The following DPYSL3 variants were observed in gnomAD, a reference collection of about 807,000 sequenced individuals.
DPYSL3 encodes the protein dihydropyrimidinase-related protein 3.
Under a neutral mutation model 66.1 loss-of-function variants are expected in DPYSL3, and 16 were observed. The ratio of observed to expected loss-of-function variants is 0.24; its 90% CI spans 0.16 to 0.37. The LOEUF is 0.37. Ranked by LOEUF, DPYSL3 falls within the 10% of genes least tolerant of loss-of-function variation. The probability of loss-of-function intolerance (pLI) is 1.00; values close to 1 mark genes in which losing one functional copy is unlikely to be tolerated. For synonymous variants in DPYSL3, 338 were observed against 345.1 expected, an observed-to-expected ratio of 0.98 and a Z score of 0.23; for missense variants, 738 against 916.2, an observed-to-expected ratio of 0.81 and a Z score of 2.51.
intron 1 of DPYSL3, among the ~76,000 whole-genome samples, chr5:147,433,848 A>G (rs1345193861): frequency 6.6e-6 from 1 of 152,112 alleles, no homozygotes; most frequent in East Asian, 1.9e-4. Flanking sequence ...CCTGGCCAAC[A>G]TGGTGAAACC....
In DPYSL3 at chr5:147,443,879, C is replaced by A. The variant is rs528249836; in HGVS notation, c.382-18916G>T. Among the ~76,000 whole-genome samples the A allele has an allele frequency of 2.0e-5, 3 of 152,194 alleles. No individual in the cohort carries two copies. The South Asian group carries it at 6.2e-4, about 32-fold the overall frequency. On this transcript the variant is annotated intron_variant, in intron 1 of 13. Transcript: ENST00000343218. Reference sequence around the variant, plus strand: ...GTGTAAGTATAACAGTGTGGAGCAGCTTTGGACATGCCAGAAACAAAGCCG... The same window carrying A: ...GTGTAAGTATAACAGTGTGGAGCAGATTTGGACATGCCAGAAACAAAGCCG...
At chr5:147,488,682 C>G (rs896765739) in intron 1 of DPYSL3, among the ~76,000 whole-genome samples, 10 of 152,082 alleles carry the variant, frequency 6.6e-5, no homozygotes, top group African/African-American at 2.2e-4. Flanking sequence ...TGCCACTGTA[C>G]TGCAGCCTGG....
chr5:147,410,479 G>T (rs949738009), intron 6 of DPYSL3, among the ~76,000 whole-genome samples: 1 of 152,158 alleles, frequency 6.6e-6, no homozygotes, highest in Non-Finnish European at 1.5e-5. Context: ...CTTACATGGG[G>T]ATAGCAGTGG....
intron 11 of DPYSL3, 117 bp from the exon 12 acceptor site, chr5:147,397,962 G>A: frequency 9.3e-7 from 1 of 1,074,770 alleles, no homozygotes; most frequent in Non-Finnish European, 1.3e-6. Context: ...GCCAGGAAAA[G>A]CTCACCATGC....
At chr5:147,467,680 A>C (rs1175209433) in intron 1 of DPYSL3, among the ~76,000 whole-genome samples, 1 of 152,244 alleles carries the variant, frequency 6.6e-6, no homozygotes, top group Non-Finnish European at 1.5e-5. Context: ...TATTGCTGGC[A>C]AAAGAGATGA....
intron 1 of DPYSL3, among the ~76,000 whole-genome samples, chr5:147,498,114 T>G (rs1199354776): frequency 6.6e-6 from 1 of 152,046 alleles, no homozygotes; most frequent in Non-Finnish European, 1.5e-5. Flanking sequence ...TAGGCCCCAG[T>G]GTGTGTTGTT....
intron 1 of DPYSL3, among the ~76,000 whole-genome samples, chr5:147,479,673 T>C (rs938873903): frequency 1.3e-5 from 2 of 152,104 alleles, no homozygotes; most frequent in African/African-American, 4.8e-5. Context: ...CCATCTTGAC[T>C]CACAAGGGCC....
intron 1 of DPYSL3, among the ~76,000 whole-genome samples, chr5:147,426,403 G>A (rs1279510052): frequency 6.6e-6 from 1 of 152,122 alleles, no homozygotes; most frequent in Admixed American, 6.6e-5. Context: ...GGCTACTCAT[G>A]CTGGGTTTGG....
At chr5:147,431,530 C>G (rs2126347745) in intron 1 of DPYSL3, among the ~76,000 whole-genome samples, 1 of 152,164 alleles carries the variant, frequency 6.6e-6, no homozygotes, top group South Asian at 2.1e-4. Flanking sequence ...TATAAATGCT[C>G]AATATGTGTG....
chr5:147,475,806 T>C (rs1753147453), intron 1 of DPYSL3, among the ~76,000 whole-genome samples: 1 of 152,102 alleles, frequency 6.6e-6, no homozygotes, highest in Non-Finnish European at 1.5e-5. Context: ...GTAAAGGTTT[T>C]TGAGCAGACA....
intron 1 of DPYSL3, chr5:147,472,571 G>A (rs1162936403): frequency 6.6e-6 from 1 of 152,144 alleles, no homozygotes; most frequent in Non-Finnish European, 1.5e-5. Flanking sequence ...CACCAGGTCT[G>A]AGTATTATTT....
chr5:147,474,118 G>A (rs1753122656), intron 1 of DPYSL3, among the ~76,000 whole-genome samples: 1 of 151,982 alleles, frequency 6.6e-6, no homozygotes, highest in Non-Finnish European at 1.5e-5. Flanking sequence ...CTATAAAATG[G>A]GGATGAATAA....
chr5:147,429,068 A>C (rs1219155793), intron 1 of DPYSL3, among the ~76,000 whole-genome samples: 1 of 152,148 alleles, frequency 6.6e-6, no homozygotes, highest in African/African-American at 2.4e-5. Context: ...CTGATGTCTG[A>C]GGAGGTTAAA....
chr5:147,405,309 G>A (rs1758299430), intron 8 of DPYSL3, among the ~76,000 whole-genome samples: 1 of 152,186 alleles, frequency 6.6e-6, no homozygotes, highest in African/African-American at 2.4e-5. Flanking sequence ...ATAAAACTCA[G>A]ACAAGGTGAA....
At chr5:147,429,650 T>C (rs1236488985) in intron 1 of DPYSL3, among the ~76,000 whole-genome samples, 2 of 152,182 alleles carry the variant, frequency 1.3e-5, no homozygotes, top group Non-Finnish European at 2.9e-5. Flanking sequence ...GTGAGTGACC[T>C]TCTCCAAATG....
chr5:147,448,742 T>C (rs1752673110), intron 1 of DPYSL3, among the ~76,000 whole-genome samples: 1 of 152,224 alleles, frequency 6.6e-6, no homozygotes. Flanking sequence ...TTCCTCCCAA[T>C]GCCCAGCTGG....
chr5:147,482,341 C>T (rs925454663), intron 1 of DPYSL3, among the ~76,000 whole-genome samples: 1 of 152,122 alleles, frequency 6.6e-6, no homozygotes, highest in Non-Finnish European at 1.5e-5. Flanking sequence ...AGGGGTAATA[C>T]CCTTTGTGGA....
intron 1 of DPYSL3, among the ~76,000 whole-genome samples, chr5:147,494,266 A>G (rs1753462993): frequency 6.6e-6 from 1 of 152,214 alleles, no homozygotes; most frequent in Admixed American, 6.5e-5. Context: ...AAGAAGAAAT[A>G]TCTAAAATCA....
At chr5:147,418,386 T>C (rs1270494382) in intron 3 of DPYSL3, 61 bp downstream of exon 3, 9 of 1,476,872 alleles carry the variant, frequency 6.1e-6, no homozygotes, top group Non-Finnish European at 8.3e-6. Context: ...GTTCTGGAGA[T>C]AACACATTCA....
Sources: allele counts gnomAD v4.1 joint callset (sites outside exome capture counted in the v4.1 genomes callset), GRCh38; gene constraint gnomAD v4.1.1; transcripts MANE v1.5; gene names NCBI Gene and HGNC (gene_info 2026-07-23, HGNC 2026-07-21).